AREL1: variants seen among roughly 807,000 people sequenced by gnomAD.
AREL1 encodes apoptosis resistant E3 ubiquitin protein ligase 1, also known as apoptosis-resistant E3 ubiquitin protein ligase 1.
AREL1 carries 62 observed loss-of-function variants against 99.0 expected under a neutral mutation model. The ratio of observed to expected loss-of-function variants is 0.63; its 90% CI spans 0.51 to 0.77. The LOEUF is 0.77. AREL1 is among the 30% of genes least tolerant of loss of function. The pLI, the probability that AREL1 is intolerant of heterozygous loss-of-function variation, is 0.00. For synonymous variants in AREL1, 380 were observed against 376.5 expected (o/e 1.01, Z -0.11); for missense variants, 879 against 1,027.6 (o/e 0.86, Z 1.98).
At chr14:74,696,704 C>T (rs968568300) in intron 1 of AREL1, among the ~76,000 whole-genome samples, 3 of 152,190 alleles carry the variant, frequency 2.0e-5, no homozygotes, top group Admixed American at 6.5e-5. Flanking sequence ...GTGGCTCACG[C>T]CTGTAATCCC....
At chr14:74,683,574 GA>G in intron 4 of AREL1, 41 bp from the exon 5 acceptor site, 1 of 1,586,910 alleles carries the variant, frequency 6.3e-7, no homozygotes. Flanking sequence ...GCAAGCAGAG[GA>G]AAAAAACATT....
At chr14:74,679,074 A>AT (rs1594763922) in intron 5 of AREL1, among the ~76,000 whole-genome samples, 2 of 152,160 alleles carry the variant, frequency 1.3e-5, no homozygotes, top group South Asian at 2.1e-4. Context: ...TAATTTATAA[A>AT]TTTTTTGTAG....
At chr14:74,689,324 C>T (rs889169851) in intron 2 of AREL1, among the ~76,000 whole-genome samples, 1 of 152,142 alleles carries the variant, frequency 6.6e-6, no homozygotes. Flanking sequence ...CCTTGTTATT[C>T]ATCCTATGAT....
At chr14:74,686,414 C>A (rs568327443) in intron 2 of AREL1, among the ~76,000 whole-genome samples, 1 of 152,268 alleles carries the variant, frequency 6.6e-6, no homozygotes, top group Non-Finnish European at 1.5e-5. Context: ...TCATGTGAAC[C>A]AATAAAAGTA....
chr14:74,676,787 ATTTTATTTTTTTAT>A lies in AREL1; in HGVS notation c.482-49_482-36del, dbSNP rs768933610. 4.5e-5 allele frequency: 65 copies of A among 1,458,198 alleles called. 2 individuals are homozygous for A. In the Middle Eastern group the frequency reaches 7.7e-4, roughly 17 times the overall value. The allele number at this position is 1,458,198 out of a possible 1,614,324, so 90.3% of individuals were successfully genotyped here. ...AGACAATGGAATCTAACATTTATTT[ATTTTATTTTTTTAT>A]TTTTATTTTTTTTGAGATGGAGTCT... On this transcript the variant is annotated intron_variant, in intron 5 of 19. Transcript: ENST00000356357.
chr14:74,697,233 G>A (rs1341469555), intron 1 of AREL1, among the ~76,000 whole-genome samples: 1 of 152,134 alleles, frequency 6.6e-6, no homozygotes, highest in Non-Finnish European at 1.5e-5. Flanking sequence ...TACAGAGCTA[G>A]TGGCAGCAAA....
At chr14:74,709,335 T>C (rs1043607889) in intron 1 of AREL1, among the ~76,000 whole-genome samples, 1 of 152,234 alleles carries the variant, frequency 6.6e-6, no homozygotes, top group African/African-American at 2.4e-5. Flanking sequence ...ATCTATTACA[T>C]GGTACTAATA....
rs1260277216 is a variant in AREL1 at position 74,699,382 on chromosome 14, A to T, written c.-333-7054T>A. Reference sequence around the variant, plus strand: ...GTGTGTGTGTGTGTGTGTGTGAGAGAGAGAGAGAGAGAGCAAGAGCAAGAG... The same window carrying T: ...GTGTGTGTGTGTGTGTGTGTGAGAGTGAGAGAGAGAGAGCAAGAGCAAGAG... On this transcript the variant is annotated intron_variant, in intron 1 of 19. Transcript: ENST00000356357. Among the ~76,000 whole-genome samples, 394 of 141,922 alleles carry T rather than the reference A, an allele frequency of 2.8e-3. 4 individuals are homozygous for T. The highest frequency in any genetic ancestry group is 0.012 in the East Asian group (62 of 5,006). 93.1% of individuals were successfully genotyped at this position (141,922 alleles called of 152,430 possible).
chr14:74,706,772 C>T (rs759963565), intron 1 of AREL1, among the ~76,000 whole-genome samples: 126 of 152,242 alleles, frequency 8.3e-4, no homozygotes, highest in South Asian at 1.5e-3. Context: ...TAAATAATTA[C>T]GTAGTTATAC....
chr14:74,669,588 C>T, intron 15 of AREL1, 61 bp downstream of exon 15: 2 of 1,560,380 alleles, frequency 1.3e-6, no homozygotes, highest in South Asian at 1.2e-5. Flanking sequence ...TTCTCTTAGA[C>T]AGTCCTGCTC....
At position 74,684,563 on chromosome 14, in the gene AREL1, G is replaced by C; in HGVS notation, c.134C>G (p.Thr45Ser). Residue 45 changes from threonine to serine, a missense_variant, in exon 4 of 20, where the codon ACT becomes AGT. Coordinates refer to ENST00000356357, the MANE Select transcript of AREL1 (RefSeq NM_001039479.2). Reference protein sequence around the residue: ...NEDRERRGDRTIYDYVRGNYL... With the variant: ...NEDRERRGDRSIYDYVRGNYL... ...ATTTCCCCGCACGTAGTCATAAATA[G>C]TCCGGTCCCCTCGGCGCTCGCGGTC... 6.2e-7 allele frequency: 1 copy of C among 1,614,168 alleles called. No homozygotes were observed. Among genetic ancestry groups the C allele is most frequent in the East Asian group, 2.2e-5 (1 of 44,882 alleles).
In AREL1 at chr14:74,673,221, G is replaced by T. The variant is rs764709322; in HGVS notation, c.1159-3C>A. On this transcript the variant is annotated splice_region_variant and splice_polypyrimidine_tract_variant and intron_variant, in intron 9 of 19. Coordinates refer to ENST00000356357, the MANE Select transcript of AREL1 (RefSeq NM_001039479.2). ...GGGTCAGGACCAAGGTATGAAAACTGGTAAAGAAAAACAAAGAAATTAATC... is the reference window on the plus strand; with the variant it reads ...GGGTCAGGACCAAGGTATGAAAACTTGTAAAGAAAAACAAAGAAATTAATC... 2.5e-6 allele frequency: 4 copies of T among 1,613,282 alleles called. No homozygotes were observed. The South Asian group carries it at 4.4e-5, about 18-fold the overall frequency.
At chr14:74,684,201 T>C (rs1043891267) in intron 4 of AREL1, among the ~76,000 whole-genome samples, 1 of 152,356 alleles carries the variant, frequency 6.6e-6, no homozygotes, top group East Asian at 1.9e-4. Flanking sequence ...CTATCTATAA[T>C]ACTTACTCTT....
At chr14:74,698,916 C>A in intron 1 of AREL1, 1 of 156,826 alleles carries the variant, frequency 6.4e-6, no homozygotes, top group Non-Finnish European at 1.4e-5. Flanking sequence ...CCCAGCTACT[C>A]AGGAGGCTGA....
intron 1 of AREL1, among the ~76,000 whole-genome samples, chr14:74,709,471 A>G (rs1234605988): frequency 3.7e-4 from 56 of 152,240 alleles, no homozygotes; most frequent in Admixed American, 3.7e-3. Context: ...GCCACCAACC[A>G]TACTTTACCT....
intron 5 of AREL1, chr14:74,678,325 T>C (rs778976429): frequency 7.6e-6 from 3 of 395,926 alleles, no homozygotes; most frequent in South Asian, 3.6e-5. Context: ...AGTGAGACCC[T>C]ATTCCTACAA....
intron 9 of AREL1, 127 bp from the exon 10 acceptor site, chr14:74,673,345 C>T (rs1046249600): frequency 6.9e-6 from 6 of 872,038 alleles, no homozygotes; most frequent in East Asian, 2.6e-5. Context: ...TGAGGACCTA[C>T]CAGAAATACA....
chr14:74,693,836 C>A (rs1268273147), intron 1 of AREL1, among the ~76,000 whole-genome samples: 1 of 152,094 alleles, frequency 6.6e-6, no homozygotes, highest in Non-Finnish European at 1.5e-5. Context: ...ATTAAGTTGG[C>A]AAACTTTTAT....
chr14:74,667,355 C>T lies in AREL1; in HGVS notation c.2067G>A (p.Glu689=), dbSNP rs2089231231. ...TCTCATCAAAAATAGCCAAAAGGTT[C>T]TCAGGGACCAATTCATTCAGGCCTG... ...FLKGLNELVP[E]NLLAIFDENE... The change falls in exon 17 of 20, where the codon GAG becomes GAA. Residue 689 remains glutamate, a synonymous_variant. Transcript: ENST00000356357. The T allele has an allele frequency of 2.5e-6, 4 of 1,614,150 alleles. No homozygotes were observed. In the South Asian group the frequency reaches 4.4e-5, roughly 18 times the overall value.
Sources: allele counts gnomAD v4.1 joint callset (sites outside exome capture counted in the v4.1 genomes callset), GRCh38; gene constraint gnomAD v4.1.1; transcripts MANE v1.5; gene names NCBI Gene and HGNC (gene_info 2026-07-23, HGNC 2026-07-21).